Variants in CTNNA2 observed in about 807,000 individuals in gnomAD.
CTNNA2 encodes catenin alpha 2.
In CTNNA2, 42 loss-of-function variants were observed where a neutral mutation model predicts 101.0. The observed-to-expected ratio is 0.42, with a 90% CI of 0.32 to 0.54. CTNNA2 has a LOEUF of 0.54. Among genes scored for constraint, CTNNA2 ranks in the 20% least tolerant of loss-of-function variants. The probability of loss-of-function intolerance (pLI) is 0.14; values close to 1 mark genes in which losing one functional copy is unlikely to be tolerated. For missense variants in CTNNA2, 871 were observed against 1,223.1 expected, an observed-to-expected ratio of 0.71 and a Z score of 4.29; for synonymous variants, 450 against 456.4, an observed-to-expected ratio of 0.99 and a Z score of 0.18.
chr2:79,813,931 C>G (rs539805634), intron 3 of CTNNA2, among the ~76,000 whole-genome samples: 17 of 152,130 alleles, frequency 1.1e-4, no homozygotes, highest in Non-Finnish European at 2.5e-4. Flanking sequence ...CCTCTGAAAC[C>G]TGCAGGGGAG....
intron 2 of CTNNA2, among the ~76,000 whole-genome samples, chr2:79,658,443 G>A (rs1010268827): frequency 1.1e-4 from 16 of 151,860 alleles, no homozygotes; most frequent in African/African-American, 2.4e-4. Context: ...AATGGCTTTC[G>A]CTTAATAAAA....
In CTNNA2 at chr2:79,535,285, A is replaced by G. The variant is rs557955232; in HGVS notation, c.-6+22078A>G. On this transcript the variant is annotated intron_variant, in intron 1 of 18. Coordinates refer to ENST00000402739, the MANE Select transcript of CTNNA2 (RefSeq NM_001282597.3). The stretch of plus-strand genomic sequence containing the variant: ...AGTGGTGCAATCTTGGCTCACTGCA[A>G]CCTCTGCCTCCTGGGTTCAAGTGAT... Among the ~76,000 whole-genome samples the G allele has an allele frequency of 1.0e-3, 159 of 152,052 alleles. 1 individual carries two copies. Among genetic ancestry groups the G allele is most frequent in the Non-Finnish European group, 1.8e-4 (12 of 67,980 alleles).
chr2:80,131,953 C>T (rs921047920), intron 7 of CTNNA2, among the ~76,000 whole-genome samples: 18 of 151,930 alleles, frequency 1.2e-4, no homozygotes, highest in African/African-American at 2.2e-4. Flanking sequence ...TGGTGGCAGG[C>T]GCCTGTAATC....
At chr2:79,339,590 C>T (rs1281620013) in intron 3 of CTNNA2, 1 of 152,170 alleles carries the variant, frequency 6.6e-6, no homozygotes, top group Non-Finnish European at 1.5e-5. Flanking sequence ...CGCAAGTTCA[C>T]CCACATATGA....
intron 9 of CTNNA2, among the ~76,000 whole-genome samples, chr2:80,531,415 A>G (rs954627339): frequency 1.3e-5 from 2 of 152,222 alleles, no homozygotes; most frequent in Non-Finnish European, 2.9e-5. Context: ...TCCAAGAAGG[A>G]TACGGCCACA....
intron 6 of CTNNA2, among the ~76,000 whole-genome samples, chr2:79,879,167 C>T (rs1683240658): frequency 6.6e-6 from 1 of 152,018 alleles, no homozygotes; most frequent in African/African-American, 2.4e-5. Context: ...CTCTTCTGTT[C>T]CGTTGGTCTG....
intron 7 of CTNNA2, among the ~76,000 whole-genome samples, chr2:79,977,057 A>G (rs957103903): frequency 1.3e-5 from 2 of 152,152 alleles, no homozygotes; most frequent in African/African-American, 4.8e-5. Flanking sequence ...AGAGCTTGAA[A>G]CTTAAATGTT....
At chr2:79,449,116 C>G (rs372981962) in intron 4 of CTNNA2, among the ~76,000 whole-genome samples, 11 of 151,978 alleles carry the variant, frequency 7.2e-5, no homozygotes, top group South Asian at 2.1e-4. Flanking sequence ...CCCACTCCCC[C>G]CAAAAAGGGG....
intron 9 of CTNNA2, among the ~76,000 whole-genome samples, chr2:80,492,036 T>C (rs1687103406): frequency 6.6e-6 from 1 of 152,156 alleles, no homozygotes; most frequent in South Asian, 2.1e-4. Flanking sequence ...TGGAATTAGA[T>C]GGTGATATGG....
chr2:80,407,243 A>G (rs1468793146), intron 8 of CTNNA2, among the ~76,000 whole-genome samples: 1 of 152,204 alleles, frequency 6.6e-6, no homozygotes, highest in East Asian at 1.9e-4. Flanking sequence ...GGGCTCTTAG[A>G]GGCCACAGTT....
At chr2:79,495,499 A>G (rs1171956917) in intron 4 of CTNNA2, among the ~76,000 whole-genome samples, 2 of 152,204 alleles carry the variant, frequency 1.3e-5, no homozygotes, top group South Asian at 4.1e-4. Context: ...ATAAATTGAA[A>G]TCCTCATACA....
chr2:80,521,288 A>G (rs887248229), intron 9 of CTNNA2, among the ~76,000 whole-genome samples: 2 of 152,192 alleles, frequency 1.3e-5, no homozygotes, highest in African/African-American at 4.8e-5. Flanking sequence ...TATACTCACC[A>G]AAGCCCCATA....
intron 7 of CTNNA2, among the ~76,000 whole-genome samples, chr2:80,009,072 CTT>C (rs1693583381): frequency 6.6e-6 from 1 of 152,206 alleles, no homozygotes; most frequent in African/African-American, 2.4e-5. Context: ...TGGAAGTTGT[CTT>C]TTACTGTCTG....
chr2:79,939,473 T>A, intron 7 of CTNNA2, among the ~76,000 whole-genome samples: 1 of 152,250 alleles, frequency 6.6e-6, no homozygotes, highest in Non-Finnish European at 1.5e-5. Flanking sequence ...ATGAGTTTTT[T>A]TTCCTTAATA....
intron 7 of CTNNA2, among the ~76,000 whole-genome samples, chr2:80,129,628 T>C (rs1702308345): frequency 1.3e-5 from 2 of 152,216 alleles, no homozygotes; most frequent in South Asian, 4.1e-4. Context: ...GAATTTTTGC[T>C]ACATGTCAGA....
intron 2 of CTNNA2, among the ~76,000 whole-genome samples, chr2:79,210,501 G>C (rs1421004363): frequency 6.6e-6 from 1 of 152,082 alleles, no homozygotes; most frequent in Non-Finnish European, 1.5e-5. Flanking sequence ...TGAGAGAGGT[G>C]AGGAGAAGAG....
chr2:80,281,408 TA>T (rs1357344145), intron 7 of CTNNA2, among the ~76,000 whole-genome samples: 1 of 152,138 alleles, frequency 6.6e-6, no homozygotes, highest in Non-Finnish European at 1.5e-5. Flanking sequence ...AACTTGAGAA[TA>T]AGGGATTTAA....
intron 7 of CTNNA2, among the ~76,000 whole-genome samples, chr2:80,187,607 C>T (rs1706211781): frequency 6.6e-6 from 1 of 152,092 alleles, no homozygotes; most frequent in South Asian, 2.1e-4. Flanking sequence ...AAAGTAAGGC[C>T]TTGGGCTACC....
intron 14 of CTNNA2, among the ~76,000 whole-genome samples, chr2:80,582,434 A>T (rs1038199036): frequency 6.6e-6 from 1 of 152,162 alleles, no homozygotes; most frequent in African/African-American, 2.4e-5. Flanking sequence ...AGAAATATTC[A>T]AGTTTAAGGC....
Sources: gnomAD v4.1 joint callset for allele counts (sites outside exome capture counted in the v4.1 genomes callset) on GRCh38, gnomAD v4.1.1 for gene constraint, MANE v1.5 for transcripts, NCBI Gene and HGNC (gene_info 2026-07-23, HGNC 2026-07-21) for gene names.